Variants in ADAMTSL4 observed in about 807,000 individuals in gnomAD.
ADAMTSL4 encodes ADAMTS-like protein 4.
A neutral mutation model predicts 122.8 loss-of-function variants in ADAMTSL4; 97 were observed. The ratio of observed to expected loss-of-function variants is 0.79; its 90% CI spans 0.67 to 0.93. The LOEUF (loss-of-function observed/expected upper bound fraction) is 0.93. ADAMTSL4 is among the 40% of genes least tolerant of loss of function. The pLI is 0.00. For missense variants in ADAMTSL4, 1,408 were observed against 1,453.5 expected (o/e 0.97, Z 0.51); for synonymous variants, 592 against 568.0 (o/e 1.04, Z -0.60).
rs1358373433 is a variant in ADAMTSL4, at chr1:150,552,051, AGATG to A, written c.-84-151_-84-148del. 5.1e-6 allele frequency: 3 copies of A among 583,996 alleles called. No homozygotes were observed. The highest frequency in any genetic ancestry group is 9.2e-6 in the Non-Finnish European group (3 of 326,022). 36.2% of individuals were successfully genotyped at this position (583,996 alleles called of 1,614,324 possible). ...CAGCCCCTGACCATGTAGCCTCTAC[AGATG>A]GACAAGGCAGTGATCCTCCCTGCTC... On this transcript the variant is annotated intron_variant, in intron 2 of 18. Coordinates refer to ENST00000271643, the MANE Select transcript of ADAMTSL4 (RefSeq NM_019032.6). The surrounding 1 kb of genome is among the most constrained non-coding windows in gnomAD (Gnocchi z 4.0).
rs751125855 is a variant in ADAMTSL4, at chr1:150,553,805, GGT to G, written c.816_817del (p.Gly273LeufsTer27). The G allele has an allele frequency of 5.0e-6, 8 of 1,614,078 alleles. No individual in the cohort carries two copies. Among genetic ancestry groups the G allele is most frequent in the Non-Finnish European group, 1.7e-6 (2 of 1,179,998 alleles). ...CTCACCCACGCACTCCTTAGGAGAA[GGT>G]GGCTTCTTCCGTGCATCCCCTCAGC... ...PPSPTHSLGE[G>X]GFFRASPQPR... is the part of the protein sequence containing the mutation. On this transcript the variant is annotated frameshift_variant, in exon 6 of 19. Transcript: ENST00000271643. LOFTEE classifies it high-confidence loss of function.
rs71815576 is a variant in ADAMTSL4 at position 150,557,789 on chromosome 1, GGCT to G, written c.2178-154_2178-152del. On this transcript the variant is annotated intron_variant, in intron 13 of 18. Transcript: ENST00000271643. ...GGTAGGCAGCAAGAAAGCCATGGCA[GGCT>G]GAGCCCCCCAGGAACCCAGACTCCA... 117,732 of 1,320,444 alleles carry G rather than the reference GGCT, an allele frequency of 0.089. 6,202 individuals are homozygous for G. Among genetic ancestry groups the G allele is most frequent in the East Asian group, 0.24 (9,645 of 39,576 alleles). The allele number at this position is 1,320,444 out of a possible 1,614,324, so 81.8% of individuals were successfully genotyped here. A position where few individuals can be genotyped will look rare whatever the true frequency, so the allele number is the denominator to read the frequency against.
chr1:150,557,222 A>G lies in ADAMTSL4; in HGVS notation c.1934A>G (p.Gln645Arg). ...CGGACCCCAGGCACCCTCCAGCGTC[A>G]GGTGCGGATCCCCCAGATGCCCGCC... ...PARTPGTLQR[Q>R]VRIPQMPAPP... is the part of the protein sequence containing the mutation. The change falls in exon 12 of 19, where the codon CAG becomes CGG. Residue 645 changes from glutamine (Q) to arginine (R), a missense_variant. Coordinates refer to ENST00000271643, the MANE Select transcript of ADAMTSL4 (RefSeq NM_019032.6). 1 of 1,611,768 alleles carries G rather than the reference A, an allele frequency of 6.2e-7. No homozygotes were observed. Among genetic ancestry groups the G allele is most frequent in the South Asian group, 1.1e-5 (1 of 90,990 alleles).
chr1:150,554,548 G>T lies in ADAMTSL4; in HGVS notation c.1234+81G>T, dbSNP rs978460115. 6.3e-7 allele frequency: 1 copy of T among 1,584,762 alleles called. No homozygotes were observed. Among genetic ancestry groups the T allele is most frequent in the African/African-American group, 1.4e-5 (1 of 74,006 alleles). On this transcript the variant is annotated intron_variant, in intron 7 of 18. Coordinates refer to ENST00000271643, the MANE Select transcript of ADAMTSL4 (RefSeq NM_019032.6). This position sits in a 1 kb window ranked among gnomAD's most constrained non-coding sequence, Gnocchi z 4.0. The stretch of plus-strand genomic sequence containing the variant: ...GAGAGGAGATACCTGCTTACTCCCA[G>T]CCCTGAATGACTTCCAGCCCCTCTG...
intron 8 of ADAMTSL4, 22 bp downstream of exon 8, chr1:150,555,587 G>A (rs1671949807): frequency 6.2e-7 from 1 of 1,606,062 alleles, no homozygotes; most frequent in Non-Finnish European, 8.5e-7. Flanking sequence ...CAGTGTGTGT[G>A]TGCACACACA....
chr1:150,553,474 A>C lies in ADAMTSL4; in HGVS notation c.483A>C (p.Arg161Ser). ...PIKPGMFGYG[R>S]VPFALPLHRN... Reference sequence around the variant, plus strand: ...AGCCAGGAATGTTCGGTTATGGGAGAGTGCCCTTTGCATTGCCACTGCACC... The same window carrying C: ...AGCCAGGAATGTTCGGTTATGGGAGCGTGCCCTTTGCATTGCCACTGCACC... Residue 161 changes from arginine (R) to serine (S), a missense_variant, in exon 6 of 19, where the codon AGA (arginine) becomes AGC (serine). Transcript: ENST00000271643. 1 of 1,613,772 alleles carries C rather than the reference A, an allele frequency of 6.2e-7. No individual in the cohort carries two copies. The highest frequency in any genetic ancestry group is 8.5e-7 in the Non-Finnish European group (1 of 1,179,930).
Position 150,560,228 on chromosome 1 carries a change from T to G in ADAMTSL4, c.*32T>G. 6.2e-7 allele frequency: 1 copy of G among 1,613,084 alleles called. No homozygotes were observed. Among genetic ancestry groups the G allele is most frequent in the Non-Finnish European group, 8.5e-7 (1 of 1,179,532 alleles). ...TCCGGGGCACCTTCACGGTTTTCTG[T>G]GCCACCATCGGTCACCCATTGATCG... On this transcript the variant is annotated 3_prime_UTR_variant, in exon 19 of 19. Coordinates refer to ENST00000271643, the MANE Select transcript of ADAMTSL4 (RefSeq NM_019032.6).
chr1:150,559,781 G>A lies in ADAMTSL4; in HGVS notation c.2964G>A (p.Gly988=). The part of the protein sequence containing the change: ...PWSPCSRSCQ[G]GTQTREVQCL... ...CCCAGTGTTCTCGCTCCTGCCAAGGGGGAACGCAGACACGGGAGGTCCAGT... is the reference window on the plus strand; with the variant it reads ...CCCAGTGTTCTCGCTCCTGCCAAGGAGGAACGCAGACACGGGAGGTCCAGT... Residue 988 remains glycine, a synonymous_variant, in exon 18 of 19, where the codon GGG becomes GGA. Coordinates refer to ENST00000271643, the MANE Select transcript of ADAMTSL4 (RefSeq NM_019032.6). The surrounding 1 kb of genome is among the most constrained non-coding windows in gnomAD (Gnocchi z 4.1). 1.2e-6 allele frequency: 2 copies of A among 1,613,966 alleles called. No individual in the cohort carries two copies. Among genetic ancestry groups the A allele is most frequent in the Non-Finnish European group, 1.7e-6 (2 of 1,179,992 alleles).
chr1:150,555,296 C>A, intron 7 of ADAMTSL4, 133 bp from the exon 8 acceptor site: 1 of 1,207,704 alleles, frequency 8.3e-7, no homozygotes, highest in Non-Finnish European at 1.2e-6. Flanking sequence ...CCCTGACCAC[C>A]TCAGCTTGTG....
At position 150,560,096 on chromosome 1, in the gene ADAMTSL4, T is replaced by C; in HGVS notation, c.3125T>C (p.Leu1042Pro). The C allele has an allele frequency of 6.2e-7, 1 of 1,614,092 alleles. No homozygotes were observed. The highest frequency in any genetic ancestry group is 1.1e-5 in the South Asian group (1 of 91,082). Reference protein sequence around the residue: ...QCKDSSPHCPLVVQARLCVYP... With the variant: ...QCKDSSPHCPPVVQARLCVYP... ...AAGGACAGCTCTCCACATTGCCCCCTGGTGGTACAGGCCCGGCTCTGCGTC... is the reference window on the plus strand; with the variant it reads ...AAGGACAGCTCTCCACATTGCCCCCCGGTGGTACAGGCCCGGCTCTGCGTC... Residue 1042 changes from leucine (L) to proline (P), a missense_variant, in exon 19 of 19, where the codon CTG becomes CCG. Leu to Pro is a moderately conservative substitution (Grantham distance 98). Coordinates refer to ENST00000271643, the MANE Select transcript of ADAMTSL4 (RefSeq NM_019032.6).
chr1:150,550,118 T>C (rs891476001), intron 2 of ADAMTSL4: 1 of 419,482 alleles, frequency 2.4e-6, no homozygotes, highest in Non-Finnish European at 4.8e-6. Flanking sequence ...CGCAGGTCTC[T>C]GTTCCTTGGT....
rs2101590734 is a variant in ADAMTSL4 at position 150,554,378 on chromosome 1, A to G, written c.1145A>G (p.Glu382Gly). The change falls in exon 7 of 19, where the codon GAG becomes GGG. Residue 382 changes from glutamate (E) to glycine (G), a missense_variant. Physicochemically the swap from Glu to Gly is moderately conservative, Grantham distance 98. Transcript: ENST00000271643. This position sits in a 1 kb window ranked among gnomAD's most constrained non-coding sequence, Gnocchi z 4.0. The stretch of plus-strand genomic sequence containing the variant: ...CCCTCACCGCAGCCCTGCCCCCCTG[A>G]GCAGCCAGACCCCCGGGCCCTGCAG... ...RACSQAPCPPEQPDPRALQCA... is the reference protein window; with the variant it reads ...RACSQAPCPPGQPDPRALQCA... 1 of 1,612,996 alleles carries G rather than the reference A, an allele frequency of 6.2e-7. No homozygotes were observed. The highest frequency in any genetic ancestry group is 8.5e-7 in the Non-Finnish European group (1 of 1,179,910).
rs149877148 is a variant in ADAMTSL4 at position 150,553,589 on chromosome 1, A to G, written c.598A>G (p.Arg200Gly). The change falls in exon 6 of 19, where the codon AGA becomes GGA. Residue 200 changes from arginine (R) to glycine (G), a missense_variant. Arg to Gly is a moderately radical substitution (Grantham distance 125). Transcript: ENST00000271643. ...GEEAIPSPTPRAEPFSANGSP... is the reference protein window; with the variant it reads ...GEEAIPSPTPGAEPFSANGSP... ...AGAGGCTATTCCGTCCCCTACTCCA[A>G]GAGCAGAGCCATTCTCCGCAAACGG... 3.7e-6 allele frequency: 6 copies of G among 1,613,680 alleles called. No individual in the cohort carries two copies. The African/African-American group carries it at 8.0e-5, about 22-fold the overall frequency.
At position 150,552,944 on chromosome 1, in the gene ADAMTSL4, G is replaced by A. The variant is rs1671577609; in HGVS notation, c.125G>A (p.Gly42Asp). ...SLQTPTEEGQ[G>D]PEGVWGPWVQ... ...CAGACACCTACAGAGGAGGGCCAGG[G>A]CCCCGAAGGTGTCTGGGGACCTTGG... Residue 42 changes from glycine to aspartate, a missense_variant, in exon 5 of 19, where the codon GGC (glycine) becomes GAC (aspartate). Coordinates refer to ENST00000271643, the MANE Select transcript of ADAMTSL4 (RefSeq NM_019032.6). This position sits in a 1 kb window ranked among gnomAD's most constrained non-coding sequence, Gnocchi z 4.0. 3 of 1,613,066 alleles carry A rather than the reference G, an allele frequency of 1.9e-6. No homozygotes were observed. Among genetic ancestry groups the A allele is most frequent in the African/African-American group, 2.7e-5 (2 of 75,010 alleles).
In ADAMTSL4 at chr1:150,557,577, C is replaced by T. The variant is rs770704761; in HGVS notation, c.2131C>T (p.Pro711Ser). ...ACGCAGCTGTGCCGCGGGTGCCAGGCCCCCAGCCTCCCCTGAACCCTGCCA... is the reference window on the plus strand; with the variant it reads ...ACGCAGCTGTGCCGCGGGTGCCAGGTCCCCAGCCTCCCCTGAACCCTGCCA... ...DERSCAAGAR[P>S]PASPEPCHGT... Residue 711 changes from proline (P) to serine (S), a missense_variant, in exon 13 of 19, where the codon CCC becomes TCC. Transcript: ENST00000271643. 5 of 1,603,400 alleles carry T rather than the reference C, an allele frequency of 3.1e-6. No individual in the cohort carries two copies. The South Asian group carries it at 5.6e-5, about 18-fold the overall frequency.
chr1:150,553,550 T>C lies in ADAMTSL4; in HGVS notation c.559T>C (p.Ser187Pro), dbSNP rs1671662807. 6.2e-7 allele frequency: 1 copy of C among 1,613,668 alleles called. No homozygotes were observed. The highest frequency in any genetic ancestry group is 2.2e-5 in the East Asian group (1 of 44,830). Reference protein sequence around the residue: ...SPPRSELSLISSRGEEAIPSP... With the variant: ...SPPRSELSLIPSRGEEAIPSP... The stretch of plus-strand genomic sequence containing the variant: ...ACCCAGATCTGAGCTGTCCCTGATC[T>C]CTTCTAGAGGGGAAGAGGCTATTCC... The change falls in exon 6 of 19, where the codon TCT (serine) becomes CCT (proline). Residue 187 changes from serine (S) to proline (P), a missense_variant. Physicochemically the swap from Ser to Pro is moderately conservative, Grantham distance 74. Coordinates refer to ENST00000271643, the MANE Select transcript of ADAMTSL4 (RefSeq NM_019032.6).
rs587647252 is a variant in ADAMTSL4, at chr1:150,558,329, G to A, written c.2383-144G>A. On this transcript the variant is annotated intron_variant, in intron 14 of 18. Coordinates refer to ENST00000271643, the MANE Select transcript of ADAMTSL4 (RefSeq NM_019032.6). ...AGGGACTGGGGGCCCAGGGCCCTAG[G>A]GCTCAGCCTCCTCCTCAGCCCACGA... is the stretch of plus-strand genomic sequence containing the variant. 5.1e-5 allele frequency: 77 copies of A among 1,521,848 alleles called. No individual in the cohort carries two copies. In the East Asian group the frequency reaches 1.7e-3, roughly 34 times the overall value. The allele number at this position is 1,521,848 out of a possible 1,614,324, so 94.3% of individuals were successfully genotyped here. A position where few individuals can be genotyped will look rare whatever the true frequency, so the allele number is the denominator to read the frequency against.
In ADAMTSL4 at chr1:150,559,102, G is replaced by C; in HGVS notation, c.2700G>C (p.Met900Ile). 6.2e-7 allele frequency: 1 copy of C among 1,612,908 alleles called. No individual in the cohort carries two copies. Among genetic ancestry groups the C allele is most frequent in the Non-Finnish European group, 8.5e-7 (1 of 1,179,956 alleles). Reference protein sequence around the residue: ...SCPTGSRPPDMRACSLGPCER... With the variant: ...SCPTGSRPPDIRACSLGPCER... ...CAACAGGAAGCCGGCCCCCTGACATGCGCGCCTGCAGCCTGGGGCCCTGTG... is the reference window on the plus strand; with the variant it reads ...CAACAGGAAGCCGGCCCCCTGACATCCGCGCCTGCAGCCTGGGGCCCTGTG... The change falls in exon 16 of 19, where the codon ATG becomes ATC. Residue 900 changes from methionine (M) to isoleucine (I), a missense_variant. Physicochemically the swap from Met to Ile is conservative, Grantham distance 10. Coordinates refer to ENST00000271643, the MANE Select transcript of ADAMTSL4 (RefSeq NM_019032.6). The surrounding 1 kb of genome is among the most constrained non-coding windows in gnomAD (Gnocchi z 4.1).
chr1:150,557,260 A>T lies in ADAMTSL4; in HGVS notation c.1972A>T (p.Arg658Trp). The part of the protein sequence containing the change: ...IPQMPAPPHP[R>W]TPLGSPAAYW... ...CCAGATGCCCGCCCCGCCCCATCCC[A>T]GGACACCCCTGGGGTCTCCAGCTGC... The change falls in exon 12 of 19, where the codon AGG (arginine) becomes TGG (tryptophan). Residue 658 changes from arginine to tryptophan, a missense_variant. By Grantham distance (101) the Arg-to-Trp change is moderately radical. Transcript: ENST00000271643. 1 of 1,589,912 alleles carries T rather than the reference A, an allele frequency of 6.3e-7. No individual in the cohort carries two copies. The highest frequency in any genetic ancestry group is 8.6e-7 in the Non-Finnish European group (1 of 1,167,956).
Sources: allele counts gnomAD v4.1 joint callset, GRCh38; gene constraint gnomAD v4.1.1; non-coding constraint Gnocchi (gnomAD v3.1); transcripts MANE v1.5; gene names NCBI Gene and HGNC (gene_info 2026-07-23, HGNC 2026-07-21).